Variants in PGM3 observed in about 807,000 individuals in gnomAD.
PGM3 encodes the protein phosphoacetylglucosamine mutase.
PGM3 carries 40 observed loss-of-function variants against 66.2 expected under a neutral mutation model. The observed-to-expected ratio is 0.60, with a 90% CI of 0.47 to 0.79. The LOEUF is 0.79. PGM3 is among the 30% of genes least tolerant of loss of function. The pLI, the probability that PGM3 is intolerant of heterozygous loss-of-function variation, is 0.00. For missense variants in PGM3, 537 were observed against 643.4 expected, an observed-to-expected ratio of 0.83 and a Z score of 1.79; for synonymous variants, 191 against 224.2, an observed-to-expected ratio of 0.85 and a Z score of 1.32.
upstream of PGM3, chr6:83,193,453 C>T (rs1175529983): frequency 1.3e-5 from 2 of 152,278 alleles, no homozygotes; most frequent in African/African-American, 4.8e-5. Flanking sequence ...GGTGAGGCCC[C>T]CGCGGTGGCC....
In PGM3 at chr6:83,168,046, C is replaced by T; in HGVS notation, c.*1188G>A. ...CACTCAGGGAGTCCTATCCTCTACT[C>T]AAATGCCTTCCCTAATAAGGACATG... On this transcript the variant is annotated 3_prime_UTR_variant, in exon 13 of 13. Transcript: ENST00000513973. 6.2e-7 allele frequency: 1 copy of T among 1,614,166 alleles called. No homozygotes were observed. Among genetic ancestry groups the T allele is most frequent in the African/African-American group, 1.3e-5 (1 of 75,030 alleles).
intron 8 of PGM3, 71 bp from the exon 9 acceptor site, chr6:83,176,131 C>A: frequency 1.2e-6 from 1 of 850,862 alleles, no homozygotes; most frequent in Non-Finnish European, 2.0e-6. Context: ...ACCTAGTATC[C>A]CAGAGATACA....
rs2128453376 is a variant in PGM3 at position 83,165,907 on chromosome 6, A to G, written c.*3327T>C. 3 of 406,752 alleles carry G rather than the reference A, an allele frequency of 7.4e-6. No homozygotes were observed. The highest frequency in any genetic ancestry group is 3.8e-5 in the South Asian group (2 of 52,908). The allele number at this position is 406,752 out of a possible 1,614,324, so 25.2% of individuals were successfully genotyped here. On this transcript the variant is annotated 3_prime_UTR_variant, in exon 13 of 13. Coordinates refer to ENST00000513973, the MANE Select transcript of PGM3 (RefSeq NM_015599.3). ...TATCAGATGTAATGGTTTCACCTGG[A>G]TTCAGAAAGCTGTAGTGGATCAGAC... is the stretch of plus-strand genomic sequence containing the variant.
At chr6:83,192,385 T>C (rs1789194179) in intron 1 of PGM3, among the ~76,000 whole-genome samples, 2 of 152,236 alleles carry the variant, frequency 1.3e-5, no homozygotes, top group African/African-American at 4.8e-5. Flanking sequence ...CAGTAGTCCA[T>C]ATACTACATT....
At position 83,168,031 on chromosome 6, in the gene PGM3, G is replaced by T. The variant is rs750457901; in HGVS notation, c.*1203C>A. 1.1e-5 allele frequency: 18 copies of T among 1,614,030 alleles called. No homozygotes were observed. The South Asian group carries it at 2.0e-4, about 18-fold the overall frequency. Reference sequence around the variant, plus strand: ...AGCCGATGTGGAGGACACTCAGGGAGTCCTATCCTCTACTCAAATGCCTTC... The same window carrying T: ...AGCCGATGTGGAGGACACTCAGGGATTCCTATCCTCTACTCAAATGCCTTC... On this transcript the variant is annotated 3_prime_UTR_variant, in exon 13 of 13. Coordinates refer to ENST00000513973, the MANE Select transcript of PGM3 (RefSeq NM_015599.3).
chr6:83,174,252 T>C (rs1337165839), intron 10 of PGM3, 122 bp downstream of exon 10: 2 of 623,436 alleles, frequency 3.2e-6, no homozygotes, highest in African/African-American at 1.9e-5. Flanking sequence ...ATACCACTAT[T>C]AGAAGGAAGC....
chr6:83,178,941 T>C (rs1787971534), intron 7 of PGM3, among the ~76,000 whole-genome samples, 185 bp from the exon 8 acceptor site: 1 of 152,242 alleles, frequency 6.6e-6, no homozygotes, highest in South Asian at 2.1e-4. Flanking sequence ...ATTTGAACAC[T>C]ATTTAAAACA....
rs576845634 is a variant in PGM3 at position 83,165,121 on chromosome 6, G to A, written c.*4113C>T. Reference sequence around the variant, plus strand: ...CTTCAGGACAAAGTCATCTCTGTACGCCCTTTATTGTTGAATTGCAGTTTG... The same window carrying A: ...CTTCAGGACAAAGTCATCTCTGTACACCCTTTATTGTTGAATTGCAGTTTG... On this transcript the variant is annotated 3_prime_UTR_variant, in exon 13 of 13. Transcript: ENST00000513973. The A allele has an allele frequency of 8.2e-5, 13 of 159,156 alleles. No homozygotes were observed. Among genetic ancestry groups the A allele is most frequent in the Non-Finnish European group, 1.5e-4 (11 of 72,602 alleles). The allele number at this position is 159,156 out of a possible 1,614,324, so 9.9% of individuals were successfully genotyped here.
At chr6:83,157,529 G>A (rs1783065512), downstream of PGM3, among the ~76,000 whole-genome samples, 1 of 152,172 alleles carries the variant, frequency 6.6e-6, no homozygotes, top group Non-Finnish European at 1.5e-5. Flanking sequence ...TAGATGGATG[G>A]CCAGCTCCTT....
chr6:83,153,442 A>C, the PGM3 span: 1 of 976,948 alleles, frequency 1.0e-6, no homozygotes, highest in Non-Finnish European at 1.5e-6. Context: ...TAACAAACTG[A>C]AAATCAGTAC....
At chr6:83,158,479 T>C (rs1207630496), downstream of PGM3, 105 of 1,047,448 alleles carry the variant, frequency 1.0e-4, 1 homozygote, top group Non-Finnish European at 1.5e-5. Context: ...AAAATTTGTT[T>C]TTGCGTTAAT....
the PGM3 span, chr6:83,152,166 AAT>A: frequency 6.3e-5 from 57 of 910,972 alleles, 1 homozygote; most frequent in South Asian, 6.4e-4. Context: ...CAGTGGGAAA[AAT>A]ATATATATAC....
At chr6:83,175,666 T>C (rs888095633) in intron 9 of PGM3, among the ~76,000 whole-genome samples, 5 of 152,194 alleles carry the variant, frequency 3.3e-5, no homozygotes, top group African/African-American at 9.6e-5. Flanking sequence ...TCCTCTCCTA[T>C]GGCCAGCCGG....
chr6:83,162,164 T>C (rs554531901), downstream of PGM3, among the ~76,000 whole-genome samples: 3 of 152,298 alleles, frequency 2.0e-5, no homozygotes, highest in Admixed American at 2.0e-4. Flanking sequence ...GCTGACAACA[T>C]TGATGAATCC....
chr6:83,149,063 T>G, the PGM3 span, among the ~76,000 whole-genome samples: 1 of 151,926 alleles, frequency 6.6e-6, no homozygotes, highest in African/African-American at 2.4e-5. Flanking sequence ...AAACAGTCTA[T>G]GTTTATACAT....
downstream of PGM3, among the ~76,000 whole-genome samples, chr6:83,158,801 A>G (rs924885031): frequency 2.2e-4 from 34 of 152,338 alleles, 1 homozygote; most frequent in African/African-American, 6.7e-4. Context: ...AGATTGGATT[A>G]AGCCATCAGC....
Position 83,168,443 on chromosome 6 carries a change from C to T in PGM3, c.*791G>A, listed in dbSNP as rs551523280. 4.5e-6 allele frequency: 5 copies of T among 1,098,924 alleles called. No individual in the cohort carries two copies. In the East Asian group the frequency reaches 1.7e-4, roughly 37 times the overall value. The allele number at this position is 1,098,924 out of a possible 1,614,324, so 68.1% of individuals were successfully genotyped here. A position where few individuals can be genotyped will look rare whatever the true frequency, so the allele number is the denominator to read the frequency against. ...ATTGTCCTGAGTTGTCTTAAACCTG[C>T]AAAATATACACTACCCATTTTTTTT... is the stretch of plus-strand genomic sequence containing the variant. On this transcript the variant is annotated 3_prime_UTR_variant, in exon 13 of 13. Coordinates refer to ENST00000513973, the MANE Select transcript of PGM3 (RefSeq NM_015599.3).
At chr6:83,152,889 G>A in the PGM3 span, among the ~76,000 whole-genome samples, 1 of 151,998 alleles carries the variant, frequency 6.6e-6, no homozygotes, top group Admixed American at 6.6e-5. Flanking sequence ...AAGTGCTGAG[G>A]TTACAGGCAT....
At chr6:83,169,512 C>T (rs989958142) in intron 12 of PGM3, 189 bp from the exon 13 acceptor site, 6 of 620,668 alleles carry the variant, frequency 9.7e-6, no homozygotes, top group Non-Finnish European at 1.7e-5. Flanking sequence ...AAACGGAAAA[C>T]AGACCAAATT....
Sources: allele counts gnomAD v4.1 joint callset (sites outside exome capture counted in the v4.1 genomes callset), GRCh38; gene constraint gnomAD v4.1.1; transcripts MANE v1.5; gene names NCBI Gene and HGNC (gene_info 2026-07-23, HGNC 2026-07-21).